Variants in FCAR observed in about 807,000 individuals in gnomAD.
The protein encoded by FCAR is immunoglobulin alpha Fc receptor.
In FCAR, 21 loss-of-function variants were observed where a neutral mutation model predicts 27.1. The ratio of observed to expected loss-of-function variants is 0.77; its 90% CI spans 0.55 to 1.11. The LOEUF (loss-of-function observed/expected upper bound fraction) is 1.11, where lower values mean the gene tolerates loss of function less well. Among genes scored for constraint, FCAR ranks in the 50% most tolerant of loss-of-function variants. The pLI, the probability that FCAR is intolerant of heterozygous loss-of-function variation, is 0.00. For synonymous variants in FCAR, 134 were observed against 135.8 expected (o/e 0.99, Z 0.09); for missense variants, 404 against 358.4 (o/e 1.13, Z -1.03).
chr19:54,885,389 G>C lies in FCAR; in HGVS notation c.225G>C (p.Leu75=). 6.2e-7 allele frequency: 1 copy of C among 1,614,084 alleles called. No individual in the cohort carries two copies. The highest frequency in any genetic ancestry group is 8.5e-7 in the Non-Finnish European group (1 of 1,180,016). ...CGTACCGAGAGATAGGCAGAAGACT[G>C]AAGTTTTGGAATGAGACTGATCCTG... ...NSTYREIGRR[L]KFWNETDPEF... The change falls in exon 3 of 5, where the codon CTG becomes CTC. Residue 75 remains leucine, a synonymous_variant. Transcript: ENST00000355524.
chr19:54,875,311 A>G lies in FCAR; in HGVS notation c.35-19A>G, dbSNP rs771056955. On this transcript the variant is annotated intron_variant, in intron 1 of 4. Coordinates refer to ENST00000355524, the MANE Select transcript of FCAR (RefSeq NM_002000.4). Reference sequence around the variant, plus strand: ...GTTGGAAATGGAAGCTTGATTTTTCATAAATCTCTCTCTTCCAGTGCTCTG... The same window carrying G: ...GTTGGAAATGGAAGCTTGATTTTTCGTAAATCTCTCTCTTCCAGTGCTCTG... 9 of 1,612,118 alleles carry G rather than the reference A, an allele frequency of 5.6e-6. No individual in the cohort carries two copies. In the South Asian group the frequency reaches 8.8e-5, roughly 16 times the overall value.
In FCAR at chr19:54,885,419, C is replaced by T. The variant is rs2145908276; in HGVS notation, c.255C>T (p.Phe85=). The T allele has an allele frequency of 6.2e-6, 10 of 1,613,886 alleles. No individual in the cohort carries two copies. Among genetic ancestry groups the T allele is most frequent in the East Asian group, 2.2e-5 (1 of 44,864 alleles). ...TTTGGAATGAGACTGATCCTGAGTT[C>T]GTCATTGACCACATGGACGCAAACA... ...LKFWNETDPE[F]VIDHMDANKA... is the part of the protein sequence containing the mutation. Residue 85 remains phenylalanine (F), a synonymous_variant, in exon 3 of 5, where the codon TTC becomes TTT. Transcript: ENST00000355524.
chr19:54,889,945 A>C lies in FCAR; in HGVS notation c.*82A>C. Reference sequence around the variant, plus strand: ...TGAAGGACACAAGAGAGAAAAGCTCACTAAGAAGCTTGAATCTACTTTTTT... The same window carrying C: ...TGAAGGACACAAGAGAGAAAAGCTCCCTAAGAAGCTTGAATCTACTTTTTT... On this transcript the variant is annotated 3_prime_UTR_variant, in exon 5 of 5. Transcript: ENST00000355524. 210 of 1,036,796 alleles carry C rather than the reference A, an allele frequency of 2.0e-4. No individual in the cohort carries two copies. The highest frequency in any genetic ancestry group is 6.3e-4 in the Middle Eastern group (2 of 3,182). The allele number at this position is 1,036,796 out of a possible 1,614,324, so 64.2% of individuals were successfully genotyped here.
chr19:54,885,454 G>T lies in FCAR; in HGVS notation c.290G>T (p.Arg97Leu). The change falls in exon 3 of 5, where the codon CGC becomes CTC. Residue 97 changes from arginine to leucine, a missense_variant. Coordinates refer to ENST00000355524, the MANE Select transcript of FCAR (RefSeq NM_002000.4). ...IDHMDANKAG[R>L]YQCQYRIGHY... ...CACATGGACGCAAACAAGGCAGGGC[G>T]CTATCAGTGCCAATATAGGATAGGG... 5.0e-6 allele frequency: 8 copies of T among 1,613,136 alleles called. No homozygotes were observed. The highest frequency in any genetic ancestry group is 6.8e-6 in the Non-Finnish European group (8 of 1,179,140).
chr19:54,885,653 A>G, intron 3 of FCAR, 128 bp downstream of exon 3: 1 of 666,420 alleles, frequency 1.5e-6, no homozygotes, highest in South Asian at 2.0e-5. Flanking sequence ...GTTCTCAGCC[A>G]TCTGGCACCC....
At chr19:54,874,897 G>T (rs762669860) in intron 1 of FCAR, among the ~76,000 whole-genome samples, 1 of 151,976 alleles carries the variant, frequency 6.6e-6, no homozygotes, top group African/African-American at 2.4e-5. Flanking sequence ...TTGGCCGGGC[G>T]CAGTGGCTCA....
Position 54,885,216 on chromosome 19 carries a change from G to A in FCAR, c.71-19G>A. The A allele has an allele frequency of 6.2e-7, 1 of 1,606,558 alleles. No homozygotes were observed. Among genetic ancestry groups the A allele is most frequent in the Admixed American group, 1.7e-5 (1 of 59,388 alleles). ...TCCCCATGGCAAGCCACCTCAGTCT[G>A]GGCTTTCTTTTCTTCCAGGGGACTT... On this transcript the variant is annotated intron_variant, in intron 2 of 4. Coordinates refer to ENST00000355524, the MANE Select transcript of FCAR (RefSeq NM_002000.4).
chr19:54,875,477 T>C (rs1465509923), intron 2 of FCAR, 112 bp downstream of exon 2: 6 of 883,540 alleles, frequency 6.8e-6, no homozygotes, highest in African/African-American at 5.0e-5. Flanking sequence ...CCCATTCTAG[T>C]TGTTTCTGCT....
At chr19:54,889,573 C>A (rs2066951543) in intron 4 of FCAR, 76 bp from the exon 5 acceptor site, 28 of 1,278,180 alleles carry the variant, frequency 2.2e-5, no homozygotes, top group Non-Finnish European at 3.1e-5. Flanking sequence ...AAATGAGCTC[C>A]CGTTTCAGGG....
intron 2 of FCAR, among the ~76,000 whole-genome samples, chr19:54,883,490 T>C (rs1347562255): frequency 1.3e-5 from 2 of 152,092 alleles, no homozygotes; most frequent in African/African-American, 2.4e-5. Flanking sequence ...GCCAGCCCTA[T>C]GGAGGGAGGA....
chr19:54,883,270 G>A (rs1181528930), intron 2 of FCAR, among the ~76,000 whole-genome samples: 3 of 151,724 alleles, frequency 2.0e-5, no homozygotes, highest in Non-Finnish European at 4.4e-5. Context: ...GCCTGCCTTG[G>A]CCCCCTAACT....
chr19:54,886,065 A>G (rs1343767471), intron 3 of FCAR, among the ~76,000 whole-genome samples: 1 of 152,022 alleles, frequency 6.6e-6, no homozygotes, highest in Non-Finnish European at 1.5e-5. Context: ...TGGCCAACAC[A>G]GTGAAACCTC....
chr19:54,886,246 TCA>T (rs1224086769), intron 3 of FCAR, among the ~76,000 whole-genome samples: 4 of 125,318 alleles, frequency 3.2e-5, no homozygotes, highest in Admixed American at 9.1e-5. Context: ...AGACTCCATC[TCA>T]CACACACACA....
intron 4 of FCAR, 68 bp from the exon 5 acceptor site, chr19:54,889,581 G>A: frequency 7.3e-7 from 1 of 1,360,606 alleles, no homozygotes; most frequent in Admixed American, 1.7e-5. Context: ...TCCCGTTTCA[G>A]GGCTCTGGGG....
Position 54,888,638 on chromosome 19 carries a change from C to G in FCAR, c.649+344C>G, listed in dbSNP as rs888638646. 95 of 675,960 alleles carry G rather than the reference C, an allele frequency of 1.4e-4. 1 individual carries two copies. Among genetic ancestry groups the G allele is most frequent in the Non-Finnish European group, 1.7e-4 (91 of 522,888 alleles). 41.9% of individuals were successfully genotyped at this position (675,960 alleles called of 1,614,324 possible). A position where few individuals can be genotyped will look rare whatever the true frequency, so the allele number is the denominator to read the frequency against. ...TCTCGACTCACTGCAACCTTCGCCT[C>G]CCAGGTTCAAGCAATTCTCCTGCCT... On this transcript the variant is annotated intron_variant, in intron 4 of 4. Transcript: ENST00000355524.
intron 2 of FCAR, among the ~76,000 whole-genome samples, chr19:54,883,935 C>T (rs189387487): frequency 1.1e-3 from 162 of 152,212 alleles, no homozygotes; most frequent in Non-Finnish European, 2.0e-3. Flanking sequence ...CCAGCCTGGG[C>T]AACAGAGTGA....
intron 2 of FCAR, among the ~76,000 whole-genome samples, chr19:54,881,608 C>T (rs2066416080): frequency 6.6e-6 from 1 of 152,036 alleles, no homozygotes; most frequent in Non-Finnish European, 1.5e-5. Flanking sequence ...GCGGTGGACT[C>T]ACGCCCGGAA....
chr19:54,881,153 G>A (rs1261795183), intron 2 of FCAR, among the ~76,000 whole-genome samples: 1 of 152,202 alleles, frequency 6.6e-6, no homozygotes, highest in South Asian at 2.1e-4. Context: ...ACCCCAGAGA[G>A]ATGTGGAGCC....
chr19:54,890,793 T>C lies in FCAR; in HGVS notation c.*930T>C, dbSNP rs587644648. 1 of 152,234 alleles carries C rather than the reference T, an allele frequency of 6.6e-6. No homozygotes were observed. The highest frequency in any genetic ancestry group is 1.5e-5 in the Non-Finnish European group (1 of 68,034). 9.4% of individuals were successfully genotyped at this position (152,234 alleles called of 1,614,324 possible). A position where few individuals can be genotyped will look rare whatever the true frequency, so the allele number is the denominator to read the frequency against. On this transcript the variant is annotated 3_prime_UTR_variant, in exon 5 of 5. Transcript: ENST00000355524. ...TGGTTGGTAAGCATGCCAAATATATTCAATAACCCCCCTCCTTTATTTTTT... is the reference window on the plus strand; with the variant it reads ...TGGTTGGTAAGCATGCCAAATATATCCAATAACCCCCCTCCTTTATTTTTT...
Sources: gnomAD v4.1 joint callset for allele counts (sites outside exome capture counted in the v4.1 genomes callset) on GRCh38, gnomAD v4.1.1 for gene constraint, MANE v1.5 for transcripts, NCBI Gene and HGNC (gene_info 2026-07-23, HGNC 2026-07-21) for gene names.